The following MYOM1 variants were observed in gnomAD, a reference collection of about 807,000 sequenced individuals.
MYOM1 encodes myomesin 1, also known as myomesin-1.
Under a neutral mutation model 205.3 loss-of-function variants are expected in MYOM1, and 164 were observed. The observed-to-expected ratio is 0.80, with a 90% CI of 0.70 to 0.91. The LOEUF (loss-of-function observed/expected upper bound fraction) is 0.91, where lower values mean the gene tolerates loss of function less well. MYOM1 is among the 40% of genes least tolerant of loss of function. The pLI is 0.00. For synonymous variants in MYOM1, 772 were observed against 789.4 expected, an observed-to-expected ratio of 0.98 and a Z score of 0.37; for missense variants, 2,011 against 2,127.3, an observed-to-expected ratio of 0.95 and a Z score of 1.08.
chr18:3,233,366 C>T, the MYOM1 span, among the ~76,000 whole-genome samples: 3 of 152,198 alleles, frequency 2.0e-5, no homozygotes, highest in Admixed American at 6.5e-5. Flanking sequence ...TTACTAAGCA[C>T]ACATGACATG....
chr18:3,229,805 A>G, the MYOM1 span, among the ~76,000 whole-genome samples: 1 of 152,022 alleles, frequency 6.6e-6, no homozygotes, highest in Admixed American at 6.6e-5. Context: ...ACTTGTCTCT[A>G]TTAAAAATAC....
At chr18:3,197,465 C>A (rs2081003468) in intron 2 of MYOM1, among the ~76,000 whole-genome samples, 1 of 152,080 alleles carries the variant, frequency 6.6e-6, no homozygotes, top group Non-Finnish European at 1.5e-5. Flanking sequence ...AGCATACTAC[C>A]TATATATGTT....
intron 1 of MYOM1, among the ~76,000 whole-genome samples, chr18:3,216,414 G>C (rs941978467): frequency 2.0e-5 from 3 of 152,228 alleles, no homozygotes; most frequent in African/African-American, 7.2e-5. Context: ...AGGTTAATGT[G>C]CCAAGAACCA....
intron 14 of MYOM1, among the ~76,000 whole-genome samples, chr18:3,137,845 AGGTGATG>A (rs1256939490): frequency 6.6e-6 from 1 of 152,200 alleles, no homozygotes; most frequent in Non-Finnish European, 1.5e-5. Flanking sequence ...CAAATGTTTG[AGGTGATG>A]GGTACCCCAA....
intron 12 of MYOM1, among the ~76,000 whole-genome samples, chr18:3,151,407 A>C (rs2080218992): frequency 6.6e-6 from 1 of 151,450 alleles, no homozygotes; most frequent in African/African-American, 2.4e-5. Context: ...CCTGGAACTC[A>C]GTTTAACAAC....
At chr18:3,168,353 A>G (rs937962123) in intron 9 of MYOM1, among the ~76,000 whole-genome samples, 1 of 151,962 alleles carries the variant, frequency 6.6e-6, no homozygotes. Flanking sequence ...CAATGGCGCC[A>G]TCTCCACTCA....
chr18:3,180,693 T>C (rs986970750), intron 5 of MYOM1, among the ~76,000 whole-genome samples: 6 of 152,234 alleles, frequency 3.9e-5, no homozygotes, highest in African/African-American at 1.4e-4. Flanking sequence ...ATCATTTTTA[T>C]GTAATGTCTA....
chr18:3,215,167 G>A lies in MYOM1; in HGVS notation c.57C>T (p.Asn19=), dbSNP rs781278462. The change falls in exon 2 of 38, where the codon AAC becomes AAT. Residue 19 remains asparagine (N), a synonymous_variant. Transcript: ENST00000356443. ...GACTCACGGTGCTGCGCACGTCCTT[G>A]TTGCGGTAGCTGAGATCATAGTGCT... ...CHQHYDLSYR[N]KDVRSTVSHY... 2 of 1,613,594 alleles carry A rather than the reference G, an allele frequency of 1.2e-6. No individual in the cohort carries two copies. The highest frequency in any genetic ancestry group is 1.7e-6 in the Non-Finnish European group (2 of 1,179,776).
At chr18:3,125,130 G>A (rs1048219573) in intron 19 of MYOM1, among the ~76,000 whole-genome samples, 2 of 152,146 alleles carry the variant, frequency 1.3e-5, no homozygotes, top group African/African-American at 4.8e-5. Context: ...TGGCAAGGAT[G>A]CAGAGTGATG....
chr18:3,147,819 T>G (rs2080151748), intron 13 of MYOM1, among the ~76,000 whole-genome samples: 2 of 152,168 alleles, frequency 1.3e-5, no homozygotes, highest in Non-Finnish European at 1.5e-5. Context: ...TAGTAATAAT[T>G]GAGGCCCTTA....
At chr18:3,214,412 G>A (rs1662318) in intron 2 of MYOM1, among the ~76,000 whole-genome samples, 116,031 of 152,130 alleles carry the variant, frequency 0.76, 44,275 homozygotes, top group Middle Eastern at 0.86. Flanking sequence ...GAGAACACCA[G>A]GCTCTTAGTG....
chr18:3,159,568 A>T (rs1318225492), intron 10 of MYOM1, among the ~76,000 whole-genome samples: 1 of 152,236 alleles, frequency 6.6e-6, no homozygotes, highest in Non-Finnish European at 1.5e-5. Context: ...TGTTTATAAT[A>T]ACCAAAGAGT....
At chr18:3,078,761 G>A (rs1445647725) in intron 34 of MYOM1, among the ~76,000 whole-genome samples, 1 of 152,094 alleles carries the variant, frequency 6.6e-6, no homozygotes, top group Non-Finnish European at 1.5e-5. Flanking sequence ...AGAATAAGAT[G>A]AAGAGTATAG....
At chr18:3,087,735 C>T (rs756707073) in intron 29 of MYOM1, among the ~76,000 whole-genome samples, 1 of 152,158 alleles carries the variant, frequency 6.6e-6, no homozygotes, top group Non-Finnish European at 1.5e-5. Flanking sequence ...AGTGATCTGC[C>T]TGCTTTGGCC....
chr18:3,147,200 CAG>C (rs1305219967), intron 13 of MYOM1, among the ~76,000 whole-genome samples: 1 of 146,192 alleles, frequency 6.8e-6, no homozygotes, highest in African/African-American at 2.5e-5. Context: ...AACTTTTTGT[CAG>C]AGTTTGTGCA....
chr18:3,183,032 C>T (rs193209775), intron 5 of MYOM1, among the ~76,000 whole-genome samples: 44 of 148,234 alleles, frequency 3.0e-4, no homozygotes, highest in African/African-American at 9.9e-4. Context: ...CGCGTTCCAT[C>T]GATTCTCCTG....
chr18:3,083,878 G>T lies in MYOM1; in HGVS notation c.4395C>A (p.Asp1465Glu). 2 of 1,581,388 alleles carry T rather than the reference G, an allele frequency of 1.3e-6. 1 individual carries two copies. The highest frequency in any genetic ancestry group is 2.3e-5 in the South Asian group (2 of 86,520). ...CCTCGGCTGTGCTCTGGATTTTCAG[G>T]TCTGTAGCAGACAAAGCTGAAAGAA... ...VCKKIALSAT[D>E]LKIQSTAEGI... Residue 1465 changes from aspartate (D) to glutamate (E), a missense_variant, in exon 33 of 38, where the codon GAC becomes GAA. Asp to Glu is a conservative substitution (Grantham distance 45). Transcript: ENST00000356443.
chr18:3,242,320 C>G, the MYOM1 span, among the ~76,000 whole-genome samples: 1 of 152,072 alleles, frequency 6.6e-6, no homozygotes, highest in Admixed American at 6.6e-5. Context: ...CTGTGCTATT[C>G]TCATGATAGT....
Position 3,209,991 on chromosome 18 carries a change from A to T in MYOM1, c.290+4943T>A, listed in dbSNP as rs1162640142. Among the ~76,000 whole-genome samples the T allele has an allele frequency of 1.3e-5, 2 of 152,212 alleles. No homozygotes were observed. The highest frequency in any genetic ancestry group is 2.9e-5 in the Non-Finnish European group (2 of 68,032). On this transcript the variant is annotated intron_variant, in intron 2 of 37. Coordinates refer to ENST00000356443, the MANE Select transcript of MYOM1 (RefSeq NM_003803.4). The surrounding 1 kb of genome is among the most constrained non-coding windows in gnomAD (Gnocchi z 4.0). ...TTGAATGAATGACTCATAATGCCTAAACCTCACTGGGTGTTCCCCCTGTGC... is the reference window on the plus strand; with the variant it reads ...TTGAATGAATGACTCATAATGCCTATACCTCACTGGGTGTTCCCCCTGTGC...
Sources: gnomAD v4.1 joint callset for allele counts (sites outside exome capture counted in the v4.1 genomes callset) on GRCh38, gnomAD v4.1.1 for gene constraint, Gnocchi (gnomAD v3.1) non-coding constraint, MANE v1.5 for transcripts, NCBI Gene and HGNC (gene_info 2026-07-23, HGNC 2026-07-21) for gene names.